Variants in TDRP observed in about 807,000 individuals in gnomAD.
TDRP encodes testis development-related protein.
TDRP carries 12 observed loss-of-function variants against 10.5 expected under a neutral mutation model. That is an observed-to-expected ratio of 1.15 (90% CI 0.73 to 1.86). The LOEUF (loss-of-function observed/expected upper bound fraction) is 1.86, where lower values mean the gene tolerates loss of function less well. Among genes scored for constraint, TDRP ranks in the 40% most tolerant of loss-of-function variants. The pLI is 0.00. For synonymous variants in TDRP, 139 were observed against 95.4 expected, an observed-to-expected ratio of 1.46 and a Z score of -2.67; for missense variants, 353 against 229.2, an observed-to-expected ratio of 1.54 and a Z score of -3.49.
intron 1 of TDRP, among the ~76,000 whole-genome samples, chr8:507,638 C>G (rs796723138): frequency 3.5e-4 from 53 of 152,300 alleles, no homozygotes; most frequent in African/African-American, 1.2e-3. Context: ...ACATCAGGAG[C>G]TAAATTACAC....
chr8:517,757 A>G (rs1801795710), intron 1 of TDRP, among the ~76,000 whole-genome samples: 1 of 152,250 alleles, frequency 6.6e-6, no homozygotes, highest in South Asian at 2.1e-4. Context: ...CTATACAGCA[A>G]AATTGTCATT....
chr8:515,209 T>C (rs1032086317), intron 1 of TDRP, among the ~76,000 whole-genome samples: 41 of 152,196 alleles, frequency 2.7e-4, no homozygotes, highest in African/African-American at 8.9e-4. Context: ...TCTCTTCCCC[T>C]CATTCTCAGT....
chr8:543,393 G>A (rs1802552626), intron 1 of TDRP, among the ~76,000 whole-genome samples: 2 of 152,170 alleles, frequency 1.3e-5, no homozygotes, highest in Non-Finnish European at 1.5e-5. Flanking sequence ...GGAAGACTCA[G>A]TTTAAAATTC....
chr8:537,773 ACCTGACTCCAAGTTGCAAATCCTG>A (rs1554465835), intron 1 of TDRP, among the ~76,000 whole-genome samples: 1 of 152,182 alleles, frequency 6.6e-6, no homozygotes, highest in Non-Finnish European at 1.5e-5. Flanking sequence ...TTCAGCTGTC[ACCTGACTCCAAGTTGCAAATCCTG>A]CCTCCCTGTA....
intron 1 of TDRP, among the ~76,000 whole-genome samples, chr8:522,424 G>C (rs369610408): frequency 6.6e-6 from 1 of 152,180 alleles, no homozygotes; most frequent in Admixed American, 6.5e-5. Context: ...TGGCTAGTGA[G>C]ACTCATCTCT....
At chr8:496,765 G>A (rs562857529) in intron 1 of TDRP, among the ~76,000 whole-genome samples, 100 of 152,344 alleles carry the variant, frequency 6.6e-4, no homozygotes, top group African/African-American at 2.3e-3. Flanking sequence ...TAATCCCCAT[G>A]TGTCAGGGGA....
chr8:528,847 A>ATGTG (rs144392634), intron 1 of TDRP, among the ~76,000 whole-genome samples: 13,575 of 151,362 alleles, frequency 0.09, 651 homozygotes, highest in African/African-American at 0.12. Flanking sequence ...GTGTGTATAT[A>ATGTG]TGTGTGTGTG....
intron 1 of TDRP, among the ~76,000 whole-genome samples, chr8:521,771 C>CA (rs147844790): frequency 0.055 from 8,401 of 151,648 alleles, 249 homozygotes; most frequent in African/African-American, 0.085. Flanking sequence ...TCTACTTCAG[C>CA]AAAAAAAATG....
intron 1 of TDRP, among the ~76,000 whole-genome samples, chr8:497,659 T>A (rs567332415): frequency 6.6e-6 from 1 of 152,268 alleles, no homozygotes; most frequent in East Asian, 1.9e-4. Flanking sequence ...TTTGCATAAG[T>A]AAAGAAGAGC....
At chr8:499,944 C>T (rs1034839692) in intron 1 of TDRP, among the ~76,000 whole-genome samples, 5 of 152,166 alleles carry the variant, frequency 3.3e-5, no homozygotes, top group Admixed American at 6.5e-5. Flanking sequence ...TCCTCTTCCA[C>T]GGGAAAAGCC....
At chr8:542,770 G>A (rs1037560752) in intron 1 of TDRP, among the ~76,000 whole-genome samples, 1 of 151,184 alleles carries the variant, frequency 6.6e-6, no homozygotes, top group African/African-American at 2.4e-5. Flanking sequence ...GGCTGAGGCA[G>A]GAGAATCACT....
chr8:539,210 G>C (rs1390392225), intron 1 of TDRP, among the ~76,000 whole-genome samples: 2 of 152,146 alleles, frequency 1.3e-5, no homozygotes, highest in Non-Finnish European at 2.9e-5. Context: ...AGGTGATCAG[G>C]GTGAGATGGG....
intron 1 of TDRP, among the ~76,000 whole-genome samples, chr8:496,971 GC>G (rs1446476874): frequency 6.6e-6 from 1 of 152,164 alleles, no homozygotes; most frequent in Non-Finnish European, 1.5e-5. Context: ...AGTTTCCTAG[GC>G]CTCCCCAGCC....
chr8:507,528 A>C (rs927367144), intron 1 of TDRP, among the ~76,000 whole-genome samples: 1 of 152,190 alleles, frequency 6.6e-6, no homozygotes, highest in Non-Finnish European at 1.5e-5. Context: ...GGAATTTAGC[A>C]GCTGCATGCG....
chr8:528,775 G>A (rs562291603), intron 1 of TDRP, among the ~76,000 whole-genome samples: 76 of 152,128 alleles, frequency 5.0e-4, no homozygotes, highest in African/African-American at 1.7e-3. Context: ...GAATAGAATA[G>A]GATATATACA....
chr8:515,050 G>C (rs935237017), intron 1 of TDRP, among the ~76,000 whole-genome samples: 1 of 152,154 alleles, frequency 6.6e-6, no homozygotes, highest in Non-Finnish European at 1.5e-5. Context: ...TGGAGACACA[G>C]GTCAGGCTTC....
chr8:516,714 C>T (rs1801765258), intron 1 of TDRP, among the ~76,000 whole-genome samples: 1 of 152,172 alleles, frequency 6.6e-6, no homozygotes. Context: ...AAACTAAACA[C>T]TCTCACCATG....
intron 1 of TDRP, among the ~76,000 whole-genome samples, chr8:529,641 C>T (rs1802132591): frequency 6.6e-6 from 1 of 152,140 alleles, no homozygotes; most frequent in South Asian, 2.1e-4. Flanking sequence ...CTACAGTATT[C>T]TTGGCTGGCT....
chr8:541,395 A>C (rs918147245), intron 1 of TDRP, among the ~76,000 whole-genome samples: 4 of 152,236 alleles, frequency 2.6e-5, no homozygotes, highest in Admixed American at 6.5e-5. Context: ...ACATCCATCA[A>C]AGAAATAATT....
Sources: allele counts gnomAD v4.1 joint callset (sites outside exome capture counted in the v4.1 genomes callset), GRCh38; gene constraint gnomAD v4.1.1; transcripts MANE v1.5; gene names NCBI Gene and HGNC (gene_info 2026-07-23, HGNC 2026-07-21).